The following ANK3 variants were observed in gnomAD, a reference collection of about 807,000 sequenced individuals.
The protein encoded by ANK3 is ankyrin-3.
A neutral mutation model predicts 370.9 loss-of-function variants in ANK3; 57 were observed. The ratio of observed to expected loss-of-function variants is 0.15; its 90% CI spans 0.12 to 0.19. The LOEUF is 0.19. Ranked by LOEUF, ANK3 falls within the 10% of genes least tolerant of loss-of-function variation. The probability of loss-of-function intolerance (pLI) is 1.00; values close to 1 mark genes in which losing one functional copy is unlikely to be tolerated. For synonymous variants in ANK3, 1,929 were observed against 1,946.3 expected, an observed-to-expected ratio of 0.99 and a Z score of 0.23; for missense variants, 4,439 against 5,302.1, an observed-to-expected ratio of 0.84 and a Z score of 5.06.
intron 43 of ANK3, among the ~76,000 whole-genome samples, chr10:60,041,938 TAAG>T: frequency 7.4e-6 from 1 of 135,262 alleles, no homozygotes; most frequent in East Asian, 2.3e-4. Context: ...CCTGTGGGGC[TAAG>T]AAGACTGGTG....
chr10:60,375,886 C>T lies in ANK3; in HGVS notation c.114+13539G>A, dbSNP rs57366960. On this transcript the variant is annotated intron_variant, in intron 1 of 43. Transcript: ENST00000280772. Reference sequence around the variant, plus strand: ...CTAAATATGCTTAGCATAAAATAAACCCTCATTTCTTCCAGGTGGACAAGG... The same window carrying T: ...CTAAATATGCTTAGCATAAAATAAATCCTCATTTCTTCCAGGTGGACAAGG... Among the ~76,000 whole-genome samples, 43 of 152,306 alleles carry T rather than the reference C, an allele frequency of 2.8e-4. No homozygotes were observed. In the East Asian group the frequency reaches 8.3e-3, roughly 29 times the overall value.
At chr10:60,525,527 T>G (rs1426126008) in intron 2 of ANK3, among the ~76,000 whole-genome samples, 2 of 152,168 alleles carry the variant, frequency 1.3e-5, no homozygotes, top group Non-Finnish European at 2.9e-5. Context: ...AAGTACTTGC[T>G]GAGAGCCTAC....
At chr10:60,110,726 C>T (rs772119203) in intron 26 of ANK3, among the ~76,000 whole-genome samples, 1 of 152,098 alleles carries the variant, frequency 6.6e-6, no homozygotes, top group East Asian at 1.9e-4. Context: ...TATTATAAGA[C>T]AAAAATCAAA....
chr10:60,380,306 T>C (rs1485004821), intron 1 of ANK3, among the ~76,000 whole-genome samples: 1 of 152,146 alleles, frequency 6.6e-6, no homozygotes, highest in Non-Finnish European at 1.5e-5. Context: ...AACCCTTGCA[T>C]GGCATTTCAT....
intron 1 of ANK3, among the ~76,000 whole-genome samples, chr10:60,365,395 T>C (rs1298627530): frequency 6.6e-6 from 1 of 152,184 alleles, no homozygotes; most frequent in Non-Finnish European, 1.5e-5. Context: ...TGAGCAGTTT[T>C]CATGTTTGTT....
intron 28 of ANK3, among the ~76,000 whole-genome samples, chr10:60,104,241 T>C (rs2091795933): frequency 6.6e-6 from 1 of 151,278 alleles, no homozygotes; most frequent in Non-Finnish European, 1.5e-5. Context: ...TCAATCTCTC[T>C]GAGCCTTAGT....
chr10:60,623,889 T>C lies in ANK3; in HGVS notation c.58-8665A>G, dbSNP rs148434459. Among the ~76,000 whole-genome samples, 396 of 152,298 alleles carry C rather than the reference T, an allele frequency of 2.6e-3. 2 individuals carry two copies. The highest frequency in any genetic ancestry group is 8.9e-3 in the African/African-American group (371 of 41,578). ...TGATTTATATATGGTAGGGTGCCTGTGGCTACATGGTATCAGGAGCAATCA... is the reference window on the plus strand; with the variant it reads ...TGATTTATATATGGTAGGGTGCCTGCGGCTACATGGTATCAGGAGCAATCA... On this transcript the variant is annotated intron_variant, in intron 1 of 43. Coordinates refer to the ANK3 transcript ENST00000373827.
Position 60,261,622 on chromosome 10 carries a change from T to C in ANK3, c.798+237A>G, listed in dbSNP as rs76439390. Among the ~76,000 whole-genome samples the C allele has an allele frequency of 1.8e-3, 271 of 152,336 alleles. 1 individual carries two copies. Among genetic ancestry groups the C allele is most frequent in the African/African-American group, 5.9e-3 (246 of 41,578 alleles). ...ATCACATCTTCTATATATGCATTTA[T>C]AGATTTATTTATCATCCATCCCAGC... On this transcript the variant is annotated intron_variant, in intron 7 of 43. Transcript: ENST00000280772.
intron 2 of ANK3, among the ~76,000 whole-genome samples, chr10:60,423,176 G>T (rs1317031897): frequency 6.6e-6 from 1 of 152,030 alleles, no homozygotes; most frequent in Non-Finnish European, 1.5e-5. Context: ...CCATGAATAT[G>T]TCCTAAATAT....
At chr10:60,196,061 T>C in intron 16 of ANK3, 84 bp downstream of exon 16, 1 of 1,223,568 alleles carries the variant, frequency 8.2e-7, no homozygotes, top group African/African-American at 1.5e-5. Flanking sequence ...AGGAGGGTGC[T>C]CCTGCTGAAG....
chr10:60,082,105 T>A, intron 35 of ANK3, 45 bp downstream of exon 35: 1 of 1,509,338 alleles, frequency 6.6e-7, no homozygotes. Context: ...AGATTCAATT[T>A]CTATTCTACT....
At chr10:60,560,716 G>A (rs946751993) in intron 2 of ANK3, among the ~76,000 whole-genome samples, 2 of 152,130 alleles carry the variant, frequency 1.3e-5, no homozygotes, top group Non-Finnish European at 2.9e-5. Flanking sequence ...TTAAATTTCT[G>A]ATAGGCATCT....
chr10:60,182,198 A>G (rs1488430979), intron 17 of ANK3, among the ~76,000 whole-genome samples: 1 of 152,122 alleles, frequency 6.6e-6, no homozygotes, highest in Non-Finnish European at 1.5e-5. Context: ...TATGCTGATA[A>G]TATTTTCTCC....
chr10:60,295,666 C>T (rs896263657), intron 1 of ANK3, among the ~76,000 whole-genome samples: 3 of 152,120 alleles, frequency 2.0e-5, no homozygotes, highest in African/African-American at 7.2e-5. Context: ...TACCTTTATA[C>T]TCCTAACTAT....
At chr10:60,345,528 C>T (rs971243310) in intron 1 of ANK3, among the ~76,000 whole-genome samples, 2 of 152,072 alleles carry the variant, frequency 1.3e-5, no homozygotes, top group African/African-American at 4.8e-5. Flanking sequence ...GCTTTTAACA[C>T]ATAGTACCCA....
intron 1 of ANK3, among the ~76,000 whole-genome samples, chr10:60,660,354 T>C (rs941701792): frequency 2.6e-5 from 4 of 152,152 alleles, no homozygotes; most frequent in Non-Finnish European, 5.9e-5. Flanking sequence ...AATAGCAGCA[T>C]CTCTCCCCTC....
rs533663886 is a variant in ANK3 at position 60,438,468 on chromosome 10, C to G, written c.97-158829G>C. On this transcript the variant is annotated intron_variant, in intron 2 of 43. Transcript: ENST00000373827. ...TCCCTTTGAAGACCTAACCTAGTTC[C>G]CACATCCCAGCATCCAGTACTTTAG... is the stretch of plus-strand genomic sequence containing the variant. 1.6e-4 allele frequency among the ~76,000 whole-genome samples: 25 copies of G among 152,266 alleles called. No homozygotes were observed. In the East Asian group the frequency reaches 4.6e-3, roughly 28 times the overall value.
chr10:60,444,108 C>G (rs1435784882), intron 2 of ANK3, among the ~76,000 whole-genome samples: 1 of 151,914 alleles, frequency 6.6e-6, no homozygotes. Flanking sequence ...GGGCACTTCT[C>G]AGTAATGGGA....
At chr10:60,308,921 C>T (rs187541011) in intron 1 of ANK3, among the ~76,000 whole-genome samples, 22 of 152,178 alleles carry the variant, frequency 1.4e-4, no homozygotes, top group African/African-American at 4.1e-4. Context: ...GCTGTTTTTC[C>T]CACTGAGTTC....
Sources: gnomAD v4.1 joint callset for allele counts (sites outside exome capture counted in the v4.1 genomes callset) on GRCh38, gnomAD v4.1.1 for gene constraint, MANE v1.5 for transcripts, NCBI Gene and HGNC (gene_info 2026-07-23, HGNC 2026-07-21) for gene names.